The following HMGN3 variants were observed in gnomAD, a reference collection of about 807,000 sequenced individuals.
HMGN3 encodes the protein high mobility group nucleosomal binding domain 3.
HMGN3 carries 6 observed loss-of-function variants against 18.8 expected under a neutral mutation model. That is an observed-to-expected ratio of 0.32 (90% CI 0.18 to 0.63). The LOEUF (loss-of-function observed/expected upper bound fraction) is 0.63, where lower values mean the gene tolerates loss of function less well. HMGN3 is among the 30% of genes least tolerant of loss of function. The pLI is 0.79. For synonymous variants in HMGN3, 40 were observed against 36.5 expected, an observed-to-expected ratio of 1.10 and a Z score of -0.35; for missense variants, 107 against 114.2, an observed-to-expected ratio of 0.94 and a Z score of 0.29.
At chr6:79,218,389 A>G (rs951052668) in intron 1 of HMGN3, among the ~76,000 whole-genome samples, 3 of 152,230 alleles carry the variant, frequency 2.0e-5, no homozygotes, top group African/African-American at 4.8e-5. Flanking sequence ...ATATATACTT[A>G]GCTAAAATTA....
At chr6:79,214,871 T>C in intron 2 of HMGN3, 101 bp downstream of exon 2, 7 of 717,800 alleles carry the variant, frequency 9.8e-6, no homozygotes, top group Non-Finnish European at 1.4e-5. Flanking sequence ...TTAAACTTTG[T>C]TCATACAATT....
rs568597792 is a variant in HMGN3, at chr6:79,210,220, A to C, written c.67-1644T>G. Among the ~76,000 whole-genome samples the C allele has an allele frequency of 1.7e-3, 258 of 152,296 alleles. 2 individuals carry two copies. Among genetic ancestry groups the C allele is most frequent in the Non-Finnish European group, 2.6e-3 (174 of 68,024 alleles). ...AACATTTTCAAGTAAACCGGGCAAT[A>C]AGAGGTATCTTGTGTTTTTTTAATG... is the stretch of plus-strand genomic sequence containing the variant. On this transcript the variant is annotated intron_variant, in intron 2 of 5. Transcript: ENST00000344726.
chr6:79,221,631 G>A (rs1777288872), intron 1 of HMGN3, among the ~76,000 whole-genome samples: 1 of 152,184 alleles, frequency 6.6e-6, no homozygotes, highest in Admixed American at 6.5e-5. Context: ...CCAAACTCAA[G>A]AAGGTATCAG....
At chr6:79,234,566 C>T in exon 1 of HMGN3, 1 of 1,612,056 alleles carries the variant, frequency 6.2e-7, no homozygotes, top group Non-Finnish European at 8.5e-7. Flanking sequence ...GGCATAATGA[C>T]TATGTCGGTG....
intron 5 of HMGN3, 83 bp downstream of exon 6, chr6:79,201,979 AT>A (rs1776158859): frequency 6.8e-7 from 1 of 1,474,474 alleles, no homozygotes; most frequent in Non-Finnish European, 8.9e-7. Flanking sequence ...CCCACTCTTC[AT>A]AATGATTAAA....
intron 4 of HMGN3, among the ~76,000 whole-genome samples, chr6:79,203,260 G>A (rs1159313795): frequency 9.9e-5 from 15 of 152,116 alleles, no homozygotes; most frequent in Admixed American, 9.8e-4. Context: ...TCCCATAGTG[G>A]GGCAGTGCTG....
intron 2 of HMGN3, among the ~76,000 whole-genome samples, chr6:79,213,789 T>A (rs765618194): frequency 2.6e-5 from 4 of 152,234 alleles, no homozygotes; most frequent in African/African-American, 4.8e-5. Context: ...GGTTTTGGTA[T>A]CACGATAAAC....
At chr6:79,203,109 G>A (rs914434650) in intron 4 of HMGN3, among the ~76,000 whole-genome samples, 1 of 152,134 alleles carries the variant, frequency 6.6e-6, no homozygotes, top group African/African-American at 2.4e-5. Context: ...TATGAGTAAA[G>A]CAATCAACCT....
chr6:79,230,113 A>ATGATGTAC (rs1231100293), intron 1 of HMGN3, among the ~76,000 whole-genome samples: 1 of 152,234 alleles, frequency 6.6e-6, no homozygotes, highest in Non-Finnish European at 1.5e-5. Flanking sequence ...ATAAAAAAGA[A>ATGATGTAC]TGATGTACTG....
At chr6:79,233,932 G>A (rs1778001055) in intron 1 of HMGN3, 1 of 152,664 alleles carries the variant, frequency 6.6e-6, no homozygotes, top group South Asian at 2.1e-4. Flanking sequence ...CTGCGGGTAG[G>A]TCCAGGCCGC....
At chr6:79,207,608 ACT>A (rs1776484145) in intron 3 of HMGN3, among the ~76,000 whole-genome samples, 4 of 152,162 alleles carry the variant, frequency 2.6e-5, no homozygotes, top group Admixed American at 2.6e-4. Flanking sequence ...AGACTAATAT[ACT>A]TCCTTACGAG....
At chr6:79,213,891 G>A (rs1479495361) in intron 2 of HMGN3, among the ~76,000 whole-genome samples, 1 of 152,126 alleles carries the variant, frequency 6.6e-6, no homozygotes, top group Non-Finnish European at 1.5e-5. Context: ...CCTTTTAGTT[G>A]ATAAGTTCAA....
chr6:79,218,511 C>T (rs1777107175), intron 1 of HMGN3, among the ~76,000 whole-genome samples: 2 of 152,016 alleles, frequency 1.3e-5, no homozygotes, highest in Non-Finnish European at 2.9e-5. Context: ...GTGTGCACAT[C>T]AACAGAGATG....
At chr6:79,205,803 A>G (rs6917165) in intron 3 of HMGN3, among the ~76,000 whole-genome samples, 139,159 of 152,262 alleles carry the variant, frequency 0.91, 64,091 homozygotes, top group East Asian at 1. Context: ...TTGCTGAATG[A>G]CTGTGACCTT....
intron 1 of HMGN3, among the ~76,000 whole-genome samples, chr6:79,220,736 C>T (rs1475788653): frequency 6.6e-6 from 1 of 152,134 alleles, no homozygotes; most frequent in Non-Finnish European, 1.5e-5. Context: ...TGTGAGCCAC[C>T]ACGCCCCACC....
chr6:79,212,155 A>T (rs1228796245), intron 2 of HMGN3, among the ~76,000 whole-genome samples: 1 of 152,190 alleles, frequency 6.6e-6, no homozygotes, highest in Non-Finnish European at 1.5e-5. Flanking sequence ...AAAAATGGAT[A>T]CTGGATTACC....
At chr6:79,201,447 G>C (rs1208766130) in exon 6 of HMGN3, 19 of 483,574 alleles carry the variant, frequency 3.9e-5, no homozygotes, top group Non-Finnish European at 2.6e-5. Context: ...GCAAGTGCAT[G>C]GAATGCTGAA....
intron 1 of HMGN3, among the ~76,000 whole-genome samples, chr6:79,216,937 C>A (rs796837638): frequency 6.6e-6 from 1 of 152,140 alleles, no homozygotes; most frequent in Admixed American, 6.6e-5. Flanking sequence ...GCAGTTAAAG[C>A]AGCAGTACAT....
chr6:79,227,811 T>C (rs1221350272), intron 1 of HMGN3, among the ~76,000 whole-genome samples: 1 of 152,194 alleles, frequency 6.6e-6, no homozygotes, highest in South Asian at 2.1e-4. Flanking sequence ...TTAAACTTAT[T>C]ACTCCCTTCC....
Sources: gnomAD v4.1 joint callset for allele counts (sites outside exome capture counted in the v4.1 genomes callset) on GRCh38, gnomAD v4.1.1 for gene constraint, MANE v1.5 for transcripts, NCBI Gene and HGNC (gene_info 2026-07-23, HGNC 2026-07-21) for gene names.